The following TTBK2 variants were observed in gnomAD, a reference collection of about 807,000 sequenced individuals.
TTBK2 encodes tau-tubulin kinase 2.
In TTBK2, 28 loss-of-function variants were observed where a neutral mutation model predicts 110.8. The observed-to-expected ratio is 0.25, with a 90% CI of 0.19 to 0.35. The LOEUF (loss-of-function observed/expected upper bound fraction) is 0.35, where lower values mean the gene tolerates loss of function less well. TTBK2 is among the 10% of genes least tolerant of loss of function. The probability of loss-of-function intolerance (pLI) is 1.00; values close to 1 mark genes in which losing one functional copy is unlikely to be tolerated. For synonymous variants in TTBK2, 532 were observed against 527.3 expected (o/e 1.01, Z -0.12); for missense variants, 1,369 against 1,500.3 (o/e 0.91, Z 1.45).
intron 9 of TTBK2, chr15:42,800,305 G>T: frequency 2.3e-6 from 1 of 439,098 alleles, no homozygotes. Context: ...ATAGATGCTT[G>T]GTGCAAGCTC....
intron 6 of TTBK2, 118 bp downstream of exon 6, chr15:42,827,810 A>G: frequency 1.2e-6 from 1 of 817,584 alleles, no homozygotes; most frequent in South Asian, 1.6e-5. Flanking sequence ...CATTAAATGT[A>G]TATGCCACTT....
chr15:42,813,488 C>G (rs148251327), intron 7 of TTBK2, among the ~76,000 whole-genome samples: 1 of 151,910 alleles, frequency 6.6e-6, no homozygotes, highest in Admixed American at 6.6e-5. Flanking sequence ...TACCAGTATA[C>G]TCCAGCCTGG....
rs757421014 is a variant in TTBK2, at chr15:42,745,955, G to C, written c.3575C>G (p.Pro1192Arg). 1.1e-5 allele frequency: 17 copies of C among 1,614,020 alleles called. 1 individual carries two copies. In the South Asian group the frequency reaches 1.8e-4, roughly 17 times the overall value. ...GGAGGAGGAAGATCCTGAGTGGCTG[G>C]GAGGTGACTTGCTTCTCCCCAGATG... ...SPHLGRSKSP[P>R]SHSGSSSSRR... Residue 1192 changes from proline (P) to arginine (R), a missense_variant, in exon 15 of 15, where the codon CCC (proline) becomes CGC (arginine). Physicochemically the swap from Pro to Arg is moderately radical, Grantham distance 103 (BLOSUM62 -2). This residue lies in a region of TTBK2 where 1,097 missense variants were observed against 1,114.7 expected (regional missense o/e 0.98). Transcript: ENST00000267890.
At chr15:42,896,861 T>A (rs1895687073) in intron 1 of TTBK2, among the ~76,000 whole-genome samples, 1 of 152,012 alleles carries the variant, frequency 6.6e-6, no homozygotes, top group Non-Finnish European at 1.5e-5. Context: ...ATTATTAAAA[T>A]TTTTTTAATT....
intron 10 of TTBK2, among the ~76,000 whole-genome samples, chr15:42,788,558 T>C (rs1008336935): frequency 6.6e-6 from 1 of 152,176 alleles, no homozygotes; most frequent in Non-Finnish European, 1.5e-5. Context: ...TTCCCAAAGG[T>C]GAGTGTCATG....
Position 42,785,740 on chromosome 15 carries a change from GT to G in TTBK2, c.981-2106del, listed in dbSNP as rs1239718375. On this transcript the variant is annotated intron_variant, in intron 10 of 14. Coordinates refer to ENST00000267890, the MANE Select transcript of TTBK2 (RefSeq NM_173500.4). ...CAGTTCTGTAACTCTATATTCTAGG[GT>G]TTTTTTTTTTTTTTTTAAATATTGC... 9.5e-3 allele frequency among the ~76,000 whole-genome samples: 1,402 copies of G among 147,334 alleles called. 12 individuals are homozygous for G. The highest frequency in any genetic ancestry group is 0.035 in the Admixed American group (517 of 14,654).
At chr15:42,794,556 G>T in intron 10 of TTBK2, 88 bp downstream of exon 10, 1 of 1,571,016 alleles carries the variant, frequency 6.4e-7, no homozygotes, top group Non-Finnish European at 8.8e-7. Context: ...TTAGCATTTG[G>T]TCATCTGAGG....
At chr15:42,903,047 T>C (rs935525976) in intron 1 of TTBK2, among the ~76,000 whole-genome samples, 6 of 152,060 alleles carry the variant, frequency 3.9e-5, no homozygotes, top group Admixed American at 1.3e-4. Flanking sequence ...TTTTTTTATT[T>C]GAGACAGTCT....
At chr15:42,828,179 G>A in intron 5 of TTBK2, 147 bp from the exon 6 acceptor site, 1 of 662,560 alleles carries the variant, frequency 1.5e-6, no homozygotes, top group Non-Finnish European at 2.5e-6. Context: ...GATGTTTAGT[G>A]GTATTAAAAT....
intron 1 of TTBK2, among the ~76,000 whole-genome samples, chr15:42,907,715 T>C (rs1400716608): frequency 6.6e-6 from 1 of 152,112 alleles, no homozygotes; most frequent in East Asian, 1.9e-4. Flanking sequence ...GTATTTATTG[T>C]TACTAAACTG....
intron 1 of TTBK2, among the ~76,000 whole-genome samples, chr15:42,894,546 G>T (rs1567082258): frequency 6.6e-6 from 1 of 152,076 alleles, no homozygotes; most frequent in Non-Finnish European, 1.5e-5. Context: ...GAGCCCAGGA[G>T]TTTGAGACCA....
At chr15:42,882,315 ACAGC>A (rs1461790886) in intron 1 of TTBK2, among the ~76,000 whole-genome samples, 3 of 151,828 alleles carry the variant, frequency 2.0e-5, no homozygotes, top group Non-Finnish European at 4.4e-5. Flanking sequence ...TAACTAGAAA[ACAGC>A]CAGGCACGGT....
At chr15:42,834,471 C>T (rs1441317346) in intron 4 of TTBK2, among the ~76,000 whole-genome samples, 1 of 152,062 alleles carries the variant, frequency 6.6e-6, no homozygotes, top group Non-Finnish European at 1.5e-5. Flanking sequence ...GATTCCAGAT[C>T]TGGAGTATGA....
At chr15:42,801,326 G>A in intron 9 of TTBK2, 1 of 1,598,554 alleles carries the variant, frequency 6.3e-7, no homozygotes, top group South Asian at 1.1e-5. Flanking sequence ...TGTCTTGACT[G>A]GCTAGCTGCA....
intron 3 of TTBK2, among the ~76,000 whole-genome samples, chr15:42,869,475 A>T (rs1894525304): frequency 6.6e-6 from 1 of 152,084 alleles, no homozygotes; most frequent in African/African-American, 2.4e-5. Context: ...GAAAAAAACA[A>T]CAAAATAATT....
At position 42,823,145 on chromosome 15, in the gene TTBK2, G is replaced by A. The variant is rs998269399; in HGVS notation, c.537+4783C>T. 2.0e-5 allele frequency among the ~76,000 whole-genome samples: 3 copies of A among 152,156 alleles called. No individual in the cohort carries two copies. In the South Asian group the frequency reaches 6.2e-4, roughly 32 times the overall value. ...TAAGTTACTACAATCCTAGGCACTGGAAGTTTCAGGTGAATGGTTAGGAAG... is the reference window on the plus strand; with the variant it reads ...TAAGTTACTACAATCCTAGGCACTGAAAGTTTCAGGTGAATGGTTAGGAAG... On this transcript the variant is annotated intron_variant, in intron 6 of 14. Coordinates refer to ENST00000267890, the MANE Select transcript of TTBK2 (RefSeq NM_173500.4).
chr15:42,874,675 G>A (rs1894743878), intron 2 of TTBK2, among the ~76,000 whole-genome samples: 2 of 151,248 alleles, frequency 1.3e-5, no homozygotes, highest in African/African-American at 4.9e-5. Flanking sequence ...ACTACAGGAT[G>A]AGTTCAAGAT....
intron 1 of TTBK2, among the ~76,000 whole-genome samples, chr15:42,900,592 C>T (rs768060922): frequency 2.0e-5 from 3 of 151,872 alleles, no homozygotes; most frequent in South Asian, 2.1e-4. Context: ...CATGGTGGTG[C>T]GTGCCTATAG....
At chr15:42,789,041 T>C (rs1406304355) in intron 10 of TTBK2, among the ~76,000 whole-genome samples, 2 of 152,238 alleles carry the variant, frequency 1.3e-5, no homozygotes, top group Non-Finnish European at 2.9e-5. Flanking sequence ...AAAATCTACT[T>C]ATTTAACAAA....
Sources: gnomAD v4.1 joint callset for allele counts (sites outside exome capture counted in the v4.1 genomes callset) on GRCh38, gnomAD v4.1.1 for gene constraint, gnomAD v4.1.1 regional missense constraint, MANE v1.5 for transcripts, NCBI Gene and HGNC (gene_info 2026-07-23, HGNC 2026-07-21) for gene names.